The following ATXN7L1 variants were observed in gnomAD, a reference collection of about 807,000 sequenced individuals.
ATXN7L1 encodes the protein ataxin-7-like protein 1.
Under a neutral mutation model 70.8 loss-of-function variants are expected in ATXN7L1, and 15 were observed. The observed-to-expected ratio is 0.21, with a 90% CI of 0.14 to 0.33. The LOEUF (loss-of-function observed/expected upper bound fraction) is 0.33. ATXN7L1 is among the 10% of genes least tolerant of loss of function. The probability of loss-of-function intolerance (pLI) is 1.00; values close to 1 mark genes in which losing one functional copy is unlikely to be tolerated. For missense variants in ATXN7L1, 975 were observed against 1,097.1 expected, an observed-to-expected ratio of 0.89 and a Z score of 1.57; for synonymous variants, 440 against 445.1, an observed-to-expected ratio of 0.99 and a Z score of 0.14.
chr7:105,821,279 TC>T (rs1810117111), intron 2 of ATXN7L1, among the ~76,000 whole-genome samples: 1 of 152,186 alleles, frequency 6.6e-6, no homozygotes, highest in Non-Finnish European at 1.5e-5. Context: ...CCTCAGGTGA[TC>T]CACCTGCCTC....
chr7:105,724,052 T>C (rs969748610), intron 3 of ATXN7L1, among the ~76,000 whole-genome samples: 8 of 152,166 alleles, frequency 5.3e-5, no homozygotes, highest in African/African-American at 1.9e-4. Context: ...ATGAGGTGTA[T>C]TAGTTTCCTA....
At chr7:105,676,817 G>A (rs1457646356) in intron 3 of ATXN7L1, among the ~76,000 whole-genome samples, 1 of 152,126 alleles carries the variant, frequency 6.6e-6, no homozygotes, top group African/African-American at 2.4e-5. Flanking sequence ...TCCAGCCTGA[G>A]AGACAGAGTG....
chr7:105,820,399 T>G (rs1294920263), intron 2 of ATXN7L1, among the ~76,000 whole-genome samples: 2 of 152,112 alleles, frequency 1.3e-5, no homozygotes, highest in East Asian at 3.9e-4. Flanking sequence ...GGGTATGAGG[T>G]GAGGAACATG....
intron 2 of ATXN7L1, among the ~76,000 whole-genome samples, chr7:105,813,473 G>A (rs922424523): frequency 6.6e-6 from 1 of 152,082 alleles, no homozygotes; most frequent in Non-Finnish European, 1.5e-5. Context: ...TAGTAGCTGG[G>A]ATTATAGGCA....
At chr7:105,681,380 T>G (rs1805531315) in intron 3 of ATXN7L1, among the ~76,000 whole-genome samples, 1 of 152,174 alleles carries the variant, frequency 6.6e-6, no homozygotes, top group Non-Finnish European at 1.5e-5. Context: ...CTGGGATAGC[T>G]GTTAACAAAC....
intron 3 of ATXN7L1, among the ~76,000 whole-genome samples, chr7:105,727,777 T>TATATATATATACACACAC (rs1462125950): frequency 1.1e-5 from 1 of 90,246 alleles, no homozygotes; most frequent in African/African-American, 6.1e-5. Context: ...TATATATATA[T>TATATATATATACACACAC]ACACACACAT....
At chr7:105,678,041 C>T in intron 3 of ATXN7L1, 1 of 982,764 alleles carries the variant, frequency 1.0e-6, no homozygotes, top group Non-Finnish European at 1.2e-6. Flanking sequence ...AGGAAGTTGT[C>T]TTGAAGTAGG....
At chr7:105,619,526 ATATATTTTTTTTTTTTTTTTTTTTTTT>A (rs1228261903) in intron 9 of ATXN7L1, among the ~76,000 whole-genome samples, 151 of 16,392 alleles carry the variant, frequency 9.2e-3, no homozygotes, top group Non-Finnish European at 0.013. Flanking sequence ...ATATATATAT[ATATATTTTTTTTTTTTTTTTTTTTTTT>A]TTTTTTTTTT....
At chr7:105,654,907 A>AT (rs201109400) in intron 4 of ATXN7L1, among the ~76,000 whole-genome samples, 2,144 of 140,880 alleles carry the variant, frequency 0.015, 36 homozygotes, top group African/African-American at 0.039. Context: ...CGCCTGGCTA[A>AT]TTTTTTTTTT....
chr7:105,752,567 T>C (rs10262564), intron 3 of ATXN7L1, among the ~76,000 whole-genome samples: 40,535 of 152,060 alleles, frequency 0.27, 6,842 homozygotes, highest in Non-Finnish European at 0.38. Context: ...TGCAGAGTGT[T>C]AGCTTCCCAG....
In ATXN7L1 at chr7:105,832,754, C is replaced by T. The variant is rs139301688; in HGVS notation, c.250+43058G>A. Among the ~76,000 whole-genome samples, 1,041 of 152,324 alleles carry T rather than the reference C, an allele frequency of 6.8e-3. 6 individuals are homozygous for T. The highest frequency in any genetic ancestry group is 8.6e-3 in the Non-Finnish European group (586 of 68,024). ...TTTCTCTCCTCCCCAGAGCCTGCTTCTTACACAAGTCTGCCCATCGTAGTT... is the reference window on the plus strand; with the variant it reads ...TTTCTCTCCTCCCCAGAGCCTGCTTTTTACACAAGTCTGCCCATCGTAGTT... On this transcript the variant is annotated intron_variant, in intron 2 of 11. Transcript: ENST00000419735.
At chr7:105,871,050 A>C (rs1050616192) in intron 2 of ATXN7L1, among the ~76,000 whole-genome samples, 17 of 150,254 alleles carry the variant, frequency 1.1e-4, no homozygotes, top group Non-Finnish European at 1.9e-4. Context: ...TTATTTTTGA[A>C]GTAGTTTAAG....
At chr7:105,848,221 T>G (rs1024604885) in intron 2 of ATXN7L1, among the ~76,000 whole-genome samples, 2 of 152,220 alleles carry the variant, frequency 1.3e-5, no homozygotes, top group African/African-American at 4.8e-5. Flanking sequence ...ATCAAATATC[T>G]GACAATCTTT....
chr7:105,826,570 G>A (rs1007515487), intron 2 of ATXN7L1, among the ~76,000 whole-genome samples: 5 of 152,160 alleles, frequency 3.3e-5, no homozygotes, highest in Non-Finnish European at 7.3e-5. Flanking sequence ...CAATAAGGGA[G>A]TCTTGTGATT....
At chr7:105,782,971 A>G (rs1803752125) in intron 3 of ATXN7L1, among the ~76,000 whole-genome samples, 1 of 152,228 alleles carries the variant, frequency 6.6e-6, no homozygotes. Context: ...CAACTTAATA[A>G]AAAATAGCCA....
chr7:105,647,753 G>A (rs1191527242), intron 4 of ATXN7L1, among the ~76,000 whole-genome samples: 1 of 152,226 alleles, frequency 6.6e-6, no homozygotes, highest in East Asian at 1.9e-4. Context: ...GCTCCTTAAG[G>A]CAGCCCCACG....
At chr7:105,733,568 T>C (rs71540964) in intron 3 of ATXN7L1, among the ~76,000 whole-genome samples, 2 of 25,934 alleles carry the variant, frequency 7.7e-5, no homozygotes, top group African/African-American at 3.4e-4. Context: ...CCATCCATCC[T>C]TCCATCCATC....
chr7:105,805,955 T>C (rs1807525302), intron 2 of ATXN7L1, among the ~76,000 whole-genome samples: 1 of 152,146 alleles, frequency 6.6e-6, no homozygotes. Flanking sequence ...ATCGGGTGTT[T>C]GTTTTGGAAG....
At chr7:105,840,615 C>T (rs1206995565) in intron 2 of ATXN7L1, among the ~76,000 whole-genome samples, 1 of 152,170 alleles carries the variant, frequency 6.6e-6, no homozygotes, top group Non-Finnish European at 1.5e-5. Context: ...ATACTGCCCC[C>T]CAGAGCTTAC....
Sources: allele counts gnomAD v4.1 joint callset (sites outside exome capture counted in the v4.1 genomes callset), GRCh38; gene constraint gnomAD v4.1.1; transcripts MANE v1.5; gene names NCBI Gene and HGNC (gene_info 2026-07-23, HGNC 2026-07-21).